The following UTRN variants were observed in gnomAD, a reference collection of about 807,000 sequenced individuals.
UTRN encodes the protein utrophin.
UTRN carries 283 observed loss-of-function variants against 463.9 expected under a neutral mutation model. The observed-to-expected ratio is 0.61, with a 90% CI of 0.55 to 0.67. The LOEUF (loss-of-function observed/expected upper bound fraction) is 0.67, where lower values mean the gene tolerates loss of function less well. UTRN is among the 30% of genes least tolerant of loss of function. The probability of loss-of-function intolerance (pLI) is 0.00; values close to 1 mark genes in which losing one functional copy is unlikely to be tolerated. For missense variants in UTRN, 3,922 were observed against 4,084.3 expected, an observed-to-expected ratio of 0.96 and a Z score of 1.08; for synonymous variants, 1,442 against 1,431.5, an observed-to-expected ratio of 1.01 and a Z score of -0.17.
At chr6:144,715,399 A>G (rs1225205785) in intron 53 of UTRN, among the ~76,000 whole-genome samples, 1 of 152,148 alleles carries the variant, frequency 6.6e-6, no homozygotes, top group Non-Finnish European at 1.5e-5. Context: ...CTATTAAAAT[A>G]AATCAAACTC....
At chr6:144,642,573 C>T (rs1777881865) in intron 51 of UTRN, among the ~76,000 whole-genome samples, 1 of 152,194 alleles carries the variant, frequency 6.6e-6, no homozygotes, top group African/African-American at 2.4e-5. Context: ...TAAAATGTCA[C>T]AAATCTGTCC....
chr6:144,458,570 T>G (rs955477880), intron 19 of UTRN, among the ~76,000 whole-genome samples, 200 bp from the exon 20 acceptor site: 11 of 152,214 alleles, frequency 7.2e-5, no homozygotes, highest in Non-Finnish European at 1.2e-4. Flanking sequence ...GTCTTTCTTC[T>G]TTGTTCAAGG....
At chr6:144,547,084 C>T (rs1798482807) in intron 46 of UTRN, among the ~76,000 whole-genome samples, 1 of 152,194 alleles carries the variant, frequency 6.6e-6, no homozygotes, top group Non-Finnish European at 1.5e-5. Context: ...TAACCTAGAG[C>T]TTCTCAGATG....
intron 2 of UTRN, among the ~76,000 whole-genome samples, chr6:144,322,923 ACAGAGTGAGACTCCGT>A (rs1417838358): frequency 2.0e-5 from 3 of 151,062 alleles, no homozygotes; most frequent in Middle Eastern, 3.4e-3. Context: ...AGCCTGGGTG[ACAGAGTGAGACTCCGT>A]CTCAAAAAAA....
At chr6:144,517,862 G>A (rs569706504) in intron 39 of UTRN, among the ~76,000 whole-genome samples, 1 of 152,264 alleles carries the variant, frequency 6.6e-6, no homozygotes, top group South Asian at 2.1e-4. Flanking sequence ...ATAACCTAGA[G>A]ACACATTTCT....
intron 47 of UTRN, among the ~76,000 whole-genome samples, chr6:144,549,483 A>G (rs1798710367): frequency 1.3e-5 from 2 of 152,224 alleles, no homozygotes; most frequent in Admixed American, 6.5e-5. Context: ...ATCTCATTCA[A>G]TTCTTTAATA....
At chr6:144,493,590 T>G in intron 33 of UTRN, 134 bp downstream of exon 33, 2 of 914,940 alleles carry the variant, frequency 2.2e-6, no homozygotes, top group East Asian at 2.7e-5. Flanking sequence ...AATTATGAGA[T>G]TCATACGTGT....
chr6:144,595,550 C>T (rs1008727294), intron 51 of UTRN, among the ~76,000 whole-genome samples: 10 of 152,262 alleles, frequency 6.6e-5, no homozygotes, highest in African/African-American at 1.9e-4. Flanking sequence ...CCAGTAAAAT[C>T]ATACTATTTC....
At chr6:144,729,329 G>A (rs1335205014) in intron 53 of UTRN, among the ~76,000 whole-genome samples, 1 of 152,078 alleles carries the variant, frequency 6.6e-6, no homozygotes, top group African/African-American at 2.4e-5. Flanking sequence ...GACTATGGAA[G>A]AAAAGGATCT....
intron 73 of UTRN, among the ~76,000 whole-genome samples, chr6:144,841,396 G>A (rs1356370540): frequency 6.6e-6 from 1 of 152,162 alleles, no homozygotes; most frequent in Admixed American, 6.5e-5. Context: ...TTAGGATCCT[G>A]TGAAGTTTCC....
chr6:144,511,023 T>C lies in UTRN; in HGVS notation c.4844T>C (p.Ile1615Thr), dbSNP rs778448899. ...TESSAALQNL[I>T]EGSEPILEER... ...AGTAGTGCTGCCCTGCAAAACTTGA[T>C]TGAGGGCAGTGAGCCTATTTTAGAA... is the stretch of plus-strand genomic sequence containing the variant. Residue 1615 changes from isoleucine to threonine, a missense_variant, in exon 35 of 75, where the codon ATT (isoleucine) becomes ACT (threonine). By Grantham distance (89) the Ile-to-Thr change is moderately conservative. Coordinates refer to ENST00000367545, the MANE Select transcript of UTRN (RefSeq NM_007124.3). The C allele has an allele frequency of 1.2e-5, 20 of 1,613,368 alleles. No individual in the cohort carries two copies. Among genetic ancestry groups the C allele is most frequent in the South Asian group, 1.1e-4 (10 of 91,024 alleles).
intron 52 of UTRN, among the ~76,000 whole-genome samples, chr6:144,699,388 C>T (rs577943609): frequency 4.2e-4 from 62 of 149,236 alleles, no homozygotes; most frequent in Admixed American, 1.4e-3. Context: ...CGCAGTGAGC[C>T]GAGATTGCGC....
intron 34 of UTRN, 32 bp from the exon 35 acceptor site, chr6:144,510,912 A>C (rs1795110647): frequency 2.0e-6 from 3 of 1,491,514 alleles, no homozygotes; most frequent in Non-Finnish European, 2.7e-6. Context: ...ATTCTGAAGC[A>C]TCAAGTAGGT....
At chr6:144,599,889 C>T (rs1804057588) in intron 51 of UTRN, among the ~76,000 whole-genome samples, 1 of 152,162 alleles carries the variant, frequency 6.6e-6, no homozygotes, top group Non-Finnish European at 1.5e-5. Context: ...CTCTGTGAAA[C>T]AAGTCTATCA....
chr6:144,829,709 T>C (rs535675246), intron 69 of UTRN, among the ~76,000 whole-genome samples: 12 of 135,904 alleles, frequency 8.8e-5, no homozygotes, highest in African/African-American at 3.0e-4. Context: ...GTGTTTTCAC[T>C]AAAAAAAAAA....
Position 144,286,120 on chromosome 6 carries a change from C to A in UTRN, c.-93+299C>A, listed in dbSNP as rs1216301077. 2.0e-5 allele frequency among the ~76,000 whole-genome samples: 3 copies of A among 152,248 alleles called. No homozygotes were observed. The highest frequency in any genetic ancestry group is 4.4e-5 in the Non-Finnish European group (3 of 68,040). On this transcript the variant is annotated intron_variant, in intron 1 of 74. Coordinates refer to ENST00000367545, the MANE Select transcript of UTRN (RefSeq NM_007124.3). The surrounding 1 kb of genome is among the most constrained non-coding windows in gnomAD (Gnocchi z 4.4). Reference sequence around the variant, plus strand: ...GAACGATCCAAACTTATCTGACCAGCTCTGTGCTGCCTCCCTGCTCCCCTA... The same window carrying A: ...GAACGATCCAAACTTATCTGACCAGATCTGTGCTGCCTCCCTGCTCCCCTA...
At chr6:144,309,956 G>T (rs1441832722) in intron 2 of UTRN, among the ~76,000 whole-genome samples, 2 of 152,176 alleles carry the variant, frequency 1.3e-5, no homozygotes, top group African/African-American at 4.8e-5. Context: ...TCCTCTCAGA[G>T]AGCTACTGTG....
At chr6:144,440,545 T>C in intron 13 of UTRN, 74 bp downstream of exon 13, 1 of 1,578,500 alleles carries the variant, frequency 6.3e-7, no homozygotes. Flanking sequence ...GCCCTTGTTC[T>C]TCATGTCCTT....
In UTRN at chr6:144,542,828, T is replaced by C; in HGVS notation, c.6553T>C (p.Cys2185Arg). 1.2e-6 allele frequency: 2 copies of C among 1,613,838 alleles called. No individual in the cohort carries two copies. The highest frequency in any genetic ancestry group is 1.7e-5 in the Admixed American group (1 of 59,994). ...CREVPTTLKE[C>R]IQEPSSVSQT... The stretch of plus-strand genomic sequence containing the variant: ...AGAGGTGCCTACCACCCTGAAGGAA[T>C]GCATCCAGGAGCCCAGTTCTGTTTC... Residue 2185 changes from cysteine (C) to arginine (R), a missense_variant, in exon 46 of 75, where the codon TGC becomes CGC. Coordinates refer to ENST00000367545, the MANE Select transcript of UTRN (RefSeq NM_007124.3).
Sources: gnomAD v4.1 joint callset for allele counts (sites outside exome capture counted in the v4.1 genomes callset) on GRCh38, gnomAD v4.1.1 for gene constraint, Gnocchi (gnomAD v3.1) non-coding constraint, MANE v1.5 for transcripts, NCBI Gene and HGNC (gene_info 2026-07-23, HGNC 2026-07-21) for gene names.